The following RTL4 variants were observed in gnomAD, a reference collection of about 807,000 sequenced individuals.
RTL4 encodes retrotransposon Gag like 4.
In RTL4, 4 loss-of-function variants were observed where a neutral mutation model predicts 5.3. The ratio of observed to expected loss-of-function variants is 0.75; its 90% CI spans 0.37 to 1.72. The LOEUF (loss-of-function observed/expected upper bound fraction) is 1.72, where lower values mean the gene tolerates loss of function less well. RTL4 is among the 40% of genes most tolerant of loss of function. RTL4 has a pLI of 0.04. For missense variants in RTL4, 260 were observed against 227.1 expected (o/e 1.14, Z -0.93); for synonymous variants, 98 against 87.3 (o/e 1.12, Z -0.68).
At chrX:112,333,522 G>A in the RTL4 span, among the ~76,000 whole-genome samples, 82 of 111,461 alleles carry the variant, frequency 7.4e-4, no homozygotes, top group African/African-American at 2.4e-3. Context: ...AAATGTGTAG[G>A]ACTAGAAATG....
the RTL4 span, among the ~76,000 whole-genome samples, chrX:112,125,651 A>T: frequency 4.5e-4 from 50 of 111,997 alleles, no homozygotes; most frequent in African/African-American, 1.6e-3. Flanking sequence ...GGTGGTCACA[A>T]CTTCATTTAA....
At chrX:112,195,585 G>A in the RTL4 span, among the ~76,000 whole-genome samples, 5 of 111,173 alleles carry the variant, frequency 4.5e-5, no homozygotes, top group African/African-American at 1.6e-4. Flanking sequence ...AAAACACTAC[G>A]GCTGTGAAGT....
At chrX:112,420,680 G>A in the RTL4 span, among the ~76,000 whole-genome samples, 2 of 111,904 alleles carry the variant, frequency 1.8e-5, no homozygotes, top group Admixed American at 9.5e-5. Flanking sequence ...TTGGCACATA[G>A]GAAGTGCTAA....
the RTL4 span, among the ~76,000 whole-genome samples, chrX:112,353,259 G>A: frequency 4.5e-5 from 5 of 111,518 alleles, no homozygotes; most frequent in African/African-American, 9.8e-5. Context: ...TTCAACCATC[G>A]TGGAAGTCAG....
the RTL4 span, among the ~76,000 whole-genome samples, chrX:112,408,815 G>T: frequency 8.9e-6 from 1 of 112,498 alleles, no homozygotes; most frequent in Non-Finnish European, 1.9e-5. Flanking sequence ...ATGTCTGGCA[G>T]CAGACTTTTC....
the RTL4 span, among the ~76,000 whole-genome samples, chrX:112,209,299 T>C: frequency 1.8e-4 from 20 of 112,125 alleles, no homozygotes; most frequent in Admixed American, 3.8e-4. Flanking sequence ...AGCCAAACCA[T>C]TGGCTACAGC....
chrX:112,156,338 G>A, the RTL4 span, among the ~76,000 whole-genome samples: 1 of 112,574 alleles, frequency 8.9e-6, no homozygotes, highest in Non-Finnish European at 1.9e-5. Context: ...AGACACTTCA[G>A]GAGGCATTCA....
the RTL4 span, among the ~76,000 whole-genome samples, chrX:112,386,107 TTA>T: frequency 8.9e-6 from 1 of 112,039 alleles, no homozygotes; most frequent in African/African-American, 3.2e-5. Flanking sequence ...TAGTTTTATT[TTA>T]TGTTTTAATA....
chrX:112,172,060 G>A, the RTL4 span, among the ~76,000 whole-genome samples: 650 of 112,397 alleles, frequency 5.8e-3, 2 homozygotes, highest in Non-Finnish European at 8.3e-3. Context: ...AAGGCTGGGC[G>A]TGGTGGCTCA....
At chrX:112,249,788 T>TAG in the RTL4 span, among the ~76,000 whole-genome samples, 1,284 of 97,265 alleles carry the variant, frequency 0.013, 15 homozygotes, top group East Asian at 0.049. Context: ...TATATATATA[T>TAG]ATATAGAGAG....
the RTL4 span, among the ~76,000 whole-genome samples, chrX:112,420,558 C>G: frequency 1.8e-5 from 2 of 111,492 alleles, no homozygotes; most frequent in African/African-American, 6.5e-5. Flanking sequence ...TATCCTGGCT[C>G]TGCCACTTAG....
At chrX:112,274,618 C>G in the RTL4 span, among the ~76,000 whole-genome samples, 1 of 111,378 alleles carries the variant, frequency 9.0e-6, no homozygotes, top group Non-Finnish European at 1.9e-5. Flanking sequence ...GTAAAAGACT[C>G]ATAGTTCACA....
chrX:112,088,362 A>T, the RTL4 span, among the ~76,000 whole-genome samples: 1 of 111,692 alleles, frequency 9.0e-6, no homozygotes, highest in Admixed American at 9.5e-5. Context: ...TTGAAGGTCC[A>T]TCTGTGTTGT....
the RTL4 span, among the ~76,000 whole-genome samples, chrX:112,103,520 G>C: frequency 9.1e-6 from 1 of 110,051 alleles, no homozygotes; most frequent in African/African-American, 3.3e-5. Context: ...AAACCACCAA[G>C]GCACACGTTT....
At chrX:112,192,489 AT>A in the RTL4 span, among the ~76,000 whole-genome samples, 1 of 111,360 alleles carries the variant, frequency 9.0e-6, no homozygotes, top group African/African-American at 3.3e-5. Flanking sequence ...TTAAGTAGAT[AT>A]ATTCCAGTGT....
the RTL4 span, among the ~76,000 whole-genome samples, chrX:112,329,152 T>G: frequency 2.7e-5 from 3 of 109,985 alleles, no homozygotes; most frequent in South Asian, 1.2e-3. Flanking sequence ...AAGAAATAAC[T>G]AAAATCAGAG....
chrX:112,177,837 A>C, the RTL4 span, among the ~76,000 whole-genome samples: 1 of 111,103 alleles, frequency 9.0e-6, no homozygotes, highest in Non-Finnish European at 1.9e-5. Flanking sequence ...CAGATGGTAA[A>C]TATTTCAGAC....
At chrX:112,389,267 T>G in the RTL4 span, among the ~76,000 whole-genome samples, 1 of 109,323 alleles carries the variant, frequency 9.1e-6, no homozygotes, top group Non-Finnish European at 1.9e-5. Context: ...CTAATTGTGT[T>G]TACTTAGATC....
chrX:112,326,853 C>A, the RTL4 span, among the ~76,000 whole-genome samples: 4 of 111,685 alleles, frequency 3.6e-5, no homozygotes, highest in Non-Finnish European at 5.7e-5. Flanking sequence ...TGACCCCTGA[C>A]CCCCGAGCAG....
Sources: gnomAD v4.1 joint callset for allele counts (sites outside exome capture counted in the v4.1 genomes callset) on GRCh38, gnomAD v4.1.1 for gene constraint, MANE v1.5 for transcripts, NCBI Gene and HGNC (gene_info 2026-07-23, HGNC 2026-07-21) for gene names.